The following OVOL1 variants were observed in gnomAD, a reference collection of about 807,000 sequenced individuals.
The protein encoded by OVOL1 is ovo like transcriptional repressor 1.
In OVOL1, 10 loss-of-function variants were observed where a neutral mutation model predicts 21.5. The ratio of observed to expected loss-of-function variants is 0.46; its 90% CI spans 0.29 to 0.79. The LOEUF is 0.79. Among genes scored for constraint, OVOL1 ranks in the 30% least tolerant of loss-of-function variants. OVOL1 has a pLI of 0.10. For synonymous variants in OVOL1, 129 were observed against 150.3 expected (o/e 0.86, Z 1.03); for missense variants, 279 against 362.3 (o/e 0.77, Z 1.87).
At position 65,795,109 on chromosome 11, in the gene OVOL1, C is replaced by T. The variant is rs769084783; in HGVS notation, c.572C>T (p.Ser191Phe). The change falls in exon 4 of 4, where the codon TCT becomes TTT. Residue 191 changes from serine to phenylalanine, a missense_variant. Physicochemically the swap from Ser to Phe is radical, Grantham distance 155. Transcript: ENST00000335987. This position sits in a 1 kb window ranked among gnomAD's most constrained non-coding sequence, Gnocchi z 5.7. ...KAFTQRCSLE[S>F]HLKKIHGVQQ... is the part of the protein sequence containing the mutation. The stretch of plus-strand genomic sequence containing the variant: ...TTCACGCAGCGCTGCTCTCTGGAGT[C>T]TCACCTCAAGAAGATCCATGGTGTG... The T allele has an allele frequency of 6.2e-7, 1 of 1,613,624 alleles. No homozygotes were observed.
At position 65,789,316 on chromosome 11, in the gene OVOL1, G is replaced by A. The variant is rs553136103; in HGVS notation, c.100+1843G>A. ...TCTGGGTGGTCCAGGCCACCCGCTG[G>A]CACCATCCAGGTGAGGGAGACCTGC... is the stretch of plus-strand genomic sequence containing the variant. On this transcript the variant is annotated intron_variant, in intron 1 of 3. Transcript: ENST00000335987. 2.0e-4 allele frequency: 32 copies of A among 157,444 alleles called. No individual in the cohort carries two copies. The South Asian group carries it at 6.3e-3, about 31-fold the overall frequency. The allele number at this position is 157,444 out of a possible 1,614,324, so 9.8% of individuals were successfully genotyped here. A position where few individuals can be genotyped will look rare whatever the true frequency, so the allele number is the denominator to read the frequency against.
chr11:65,787,685 C>A (rs1020945693), intron 1 of OVOL1, among the ~76,000 whole-genome samples: 3 of 150,964 alleles, frequency 2.0e-5, no homozygotes, highest in African/African-American at 7.3e-5. Flanking sequence ...CTGGTCGGGG[C>A]GGGGGCTGCA....
intron 3 of OVOL1, 116 bp from the exon 4 acceptor site, chr11:65,794,930 T>G: frequency 8.9e-7 from 1 of 1,128,190 alleles, no homozygotes; most frequent in East Asian, 2.6e-5. Flanking sequence ...TGGACAGGCC[T>G]CCGTCCATCC....
At chr11:65,793,974 AACCCGCTGG>A in intron 1 of OVOL1, 48 bp from the exon 2 acceptor site, 1 of 1,453,720 alleles carries the variant, frequency 6.9e-7, no homozygotes, top group Non-Finnish European at 9.6e-7. Context: ...AGTTTCCAGA[AACCCGCTGG>A]ACCCTCTCTT....
rs1858048000 is a variant in OVOL1, at chr11:65,792,771, C to A, written c.101-1260C>A. 3.3e-5 allele frequency among the ~76,000 whole-genome samples: 5 copies of A among 152,248 alleles called. No homozygotes were observed. The South Asian group carries it at 1.0e-3, about 31-fold the overall frequency. ...TTGTTGTGTTTTGAGGGGGCGAGAG[C>A]TGGGGCCTCTCCCGAAACTTCAGCA... On this transcript the variant is annotated intron_variant, in intron 1 of 3. Coordinates refer to ENST00000335987, the MANE Select transcript of OVOL1 (RefSeq NM_004561.4).
chr11:65,793,146 TTGCC>T (rs1481322411), intron 1 of OVOL1, among the ~76,000 whole-genome samples: 2 of 152,220 alleles, frequency 1.3e-5, no homozygotes, highest in Non-Finnish European at 2.9e-5. Context: ...GCTTTGAGAA[TTGCC>T]TGTCTGTGTC....
chr11:65,789,186 CT>C, intron 1 of OVOL1: 1 of 488,384 alleles, frequency 2.0e-6, no homozygotes, highest in South Asian at 8.5e-5. Flanking sequence ...TCATTGACTT[CT>C]TTTTGTCCTA....
In OVOL1 at chr11:65,795,443, A is replaced by G; in HGVS notation, c.*102A>G. 9.0e-7 allele frequency: 1 copy of G among 1,108,352 alleles called. No individual in the cohort carries two copies. Among genetic ancestry groups the G allele is most frequent in the East Asian group, 2.6e-5 (1 of 38,800 alleles). 68.7% of individuals were successfully genotyped at this position (1,108,352 alleles called of 1,614,324 possible). On this transcript the variant is annotated 3_prime_UTR_variant, in exon 4 of 4. Transcript: ENST00000335987. This position sits in a 1 kb window ranked among gnomAD's most constrained non-coding sequence, Gnocchi z 5.7. Reference sequence around the variant, plus strand: ...CCCTCCTGCAACCTCTCACCCGAACACCAGTGATCAGGACTGGAGCCCCCG... The same window carrying G: ...CCCTCCTGCAACCTCTCACCCGAACGCCAGTGATCAGGACTGGAGCCCCCG...
intron 1 of OVOL1, among the ~76,000 whole-genome samples, chr11:65,792,080 G>T (rs921308233): frequency 6.6e-6 from 1 of 152,212 alleles, no homozygotes; most frequent in African/African-American, 2.4e-5. Context: ...GGTGGAGGTG[G>T]ACCAGAGAGC....
At chr11:65,791,038 T>C (rs896754108) in intron 1 of OVOL1, among the ~76,000 whole-genome samples, 1 of 152,212 alleles carries the variant, frequency 6.6e-6, no homozygotes, top group African/African-American at 2.4e-5. Context: ...GCTCCCACTG[T>C]TCTGGGCGGG....
At position 65,795,208 on chromosome 11, in the gene OVOL1, G is replaced by A. The variant is rs769053691; in HGVS notation, c.671G>A (p.Ser224Asn). 3.7e-6 allele frequency: 6 copies of A among 1,613,330 alleles called. No individual in the cohort carries two copies. The East Asian group carries it at 1.3e-4, about 36-fold the overall frequency. ...VCEECGCTSE[S>N]QEGHVLHLKE... ...GAGGAGTGCGGCTGCACATCTGAGA[G>A]CCAGGAGGGCCACGTCCTGCACCTG... is the stretch of plus-strand genomic sequence containing the variant. Residue 224 changes from serine (S) to asparagine (N), a missense_variant, in exon 4 of 4, where the codon AGC (serine) becomes AAC (asparagine). Transcript: ENST00000335987. The surrounding 1 kb of genome is among the most constrained non-coding windows in gnomAD (Gnocchi z 5.7).
In OVOL1 at chr11:65,787,292, G is replaced by C; in HGVS notation, c.-82G>C. On this transcript the variant is annotated 5_prime_UTR_variant, in exon 1 of 4. Coordinates refer to ENST00000335987, the MANE Select transcript of OVOL1 (RefSeq NM_004561.4). Reference sequence around the variant, plus strand: ...TCCCTGTTGTGCCCCCGTTCCCGGCGTTCAGCCCGGCCCCGCAAAGGTGGG... The same window carrying C: ...TCCCTGTTGTGCCCCCGTTCCCGGCCTTCAGCCCGGCCCCGCAAAGGTGGG... 8.3e-7 allele frequency: 1 copy of C among 1,203,656 alleles called. No homozygotes were observed. Among genetic ancestry groups the C allele is most frequent in the South Asian group, 1.3e-5 (1 of 76,896 alleles). The allele number at this position is 1,203,656 out of a possible 1,614,324, so 74.6% of individuals were successfully genotyped here. A position where few individuals can be genotyped will look rare whatever the true frequency, so the allele number is the denominator to read the frequency against.
intron 3 of OVOL1, 110 bp downstream of exon 3, chr11:65,794,837 G>A: frequency 8.3e-7 from 1 of 1,198,018 alleles, no homozygotes; most frequent in South Asian, 1.3e-5. Flanking sequence ...AGCCTGGGAG[G>A]GCATCCCGGA....
In OVOL1 at chr11:65,796,218, C is replaced by T. The variant is rs946922663; in HGVS notation, c.*877C>T. 3 of 152,608 alleles carry T rather than the reference C, an allele frequency of 2.0e-5. No individual in the cohort carries two copies. Among genetic ancestry groups the T allele is most frequent in the Admixed American group, 6.5e-5 (1 of 15,268 alleles). The allele number at this position is 152,608 out of a possible 1,614,324, so 9.5% of individuals were successfully genotyped here. A position where few individuals can be genotyped will look rare whatever the true frequency, so the allele number is the denominator to read the frequency against. ...CCCCAACCCACCCCCGTTCTTTGTA[C>T]GTGCTGAGACAGCCACTAGAAGATC... is the stretch of plus-strand genomic sequence containing the variant. On this transcript the variant is annotated 3_prime_UTR_variant, in exon 4 of 4. Transcript: ENST00000335987.
At position 65,796,994 on chromosome 11, in the gene OVOL1, A is replaced by T. The variant is rs1858146704; in HGVS notation, c.*1653A>T. ...CTGGACTGCCCTCTGAAATGTGTATAGATTGATTCTAAAATCTCTTGTTTC... is the reference window on the plus strand; with the variant it reads ...CTGGACTGCCCTCTGAAATGTGTATTGATTGATTCTAAAATCTCTTGTTTC... On this transcript the variant is annotated 3_prime_UTR_variant, in exon 4 of 4. Transcript: ENST00000335987. 6.6e-6 allele frequency: 1 copy of T among 152,188 alleles called. No homozygotes were observed. Among genetic ancestry groups the T allele is most frequent in the East Asian group, 1.9e-4 (1 of 5,188 alleles). The allele number at this position is 152,188 out of a possible 1,614,324, so 9.4% of individuals were successfully genotyped here.
intron 1 of OVOL1, among the ~76,000 whole-genome samples, chr11:65,791,805 C>T (rs1205054596): frequency 6.6e-6 from 1 of 152,238 alleles, no homozygotes; most frequent in Non-Finnish European, 1.5e-5. Flanking sequence ...AGTCATAGCG[C>T]CACCGCCTTG....
At chr11:65,789,117 A>G (rs1450073123) in intron 1 of OVOL1, 5 of 929,816 alleles carry the variant, frequency 5.4e-6, no homozygotes, top group South Asian at 5.0e-5. Context: ...TCACATCCCA[A>G]TCAGTAACAG....
At position 65,794,540 on chromosome 11, in the gene OVOL1, G is replaced by T; in HGVS notation, c.321G>T (p.Val107=). 6.2e-7 allele frequency: 1 copy of T among 1,612,144 alleles called. No homozygotes were observed. Among genetic ancestry groups the T allele is most frequent in the South Asian group, 1.1e-5 (1 of 91,058 alleles). Residue 107 remains valine (V), a splice_region_variant and synonymous_variant, in exon 3 of 4, where the codon GTG becomes GTT. Transcript: ENST00000335987. ...DHGFLRTKMK[V]TLGDSPSGDL... ...AGCAATGCCGTCCTCACCCACAGGT[G>T]ACCCTTGGGGACAGTCCCAGTGGAG...
chr11:65,789,113 C>T (rs1857958765), intron 1 of OVOL1: 1 of 946,484 alleles, frequency 1.1e-6, no homozygotes, highest in Non-Finnish European at 1.3e-6. Context: ...TATTTCACAT[C>T]CCAATCAGTA....
Sources: allele counts gnomAD v4.1 joint callset (sites outside exome capture counted in the v4.1 genomes callset), GRCh38; gene constraint gnomAD v4.1.1; non-coding constraint Gnocchi (gnomAD v3.1); transcripts MANE v1.5; gene names NCBI Gene and HGNC (gene_info 2026-07-23, HGNC 2026-07-21).